Variants in BEST3 observed in about 807,000 individuals in gnomAD.
BEST3 encodes bestrophin 3, also known as bestrophin-3.
BEST3 carries 50 observed loss-of-function variants against 47.1 expected under a neutral mutation model. That is an observed-to-expected ratio of 1.06 (90% CI 0.85 to 1.34). The LOEUF is 1.34. BEST3 is among the 40% of genes most tolerant of loss of function. The pLI is 0.00. For missense variants in BEST3, 765 were observed against 817.0 expected (o/e 0.94, Z 0.78); for synonymous variants, 282 against 298.8 (o/e 0.94, Z 0.58).
At chr12:69,646,669 C>T (rs930073608) in intron 9 of BEST3, among the ~76,000 whole-genome samples, 5 of 152,190 alleles carry the variant, frequency 3.3e-5, no homozygotes, top group Non-Finnish European at 7.3e-5. Context: ...GGCACATAGC[C>T]TCTGCATCAG....
At chr12:69,686,889 G>A (rs1444064631) in intron 4 of BEST3, among the ~76,000 whole-genome samples, 2 of 152,116 alleles carry the variant, frequency 1.3e-5, no homozygotes. Flanking sequence ...CCTGCAGAAG[G>A]TCGCAAAACT....
At chr12:69,670,316 A>G in intron 9 of BEST3, 1 of 630,274 alleles carries the variant, frequency 1.6e-6, no homozygotes, top group Non-Finnish European at 2.9e-6. Flanking sequence ...TTAGAAGGCT[A>G]GCTAGAAGCA....
At chr12:69,681,338 C>G (rs187190198) in intron 4 of BEST3, among the ~76,000 whole-genome samples, 31 of 152,184 alleles carry the variant, frequency 2.0e-4, no homozygotes, top group Non-Finnish European at 4.3e-4. Context: ...ATCCTTTTGC[C>G]GGGTGCAGTG....
exon 10 of BEST3, chr12:69,643,682 G>A (rs1341559539): frequency 1.5e-6 from 1 of 681,004 alleles, no homozygotes; most frequent in Non-Finnish European, 2.7e-6. Context: ...AGATTCGAGT[G>A]TTGTACCTTT....
At chr12:69,695,584 C>T (rs926520053) in intron 2 of BEST3, among the ~76,000 whole-genome samples, 5 of 152,088 alleles carry the variant, frequency 3.3e-5, no homozygotes, top group Admixed American at 3.3e-4. Flanking sequence ...ACAATTACAG[C>T]CAGAATGGTT....
At chr12:69,664,800 A>G (rs980957822) in intron 9 of BEST3, among the ~76,000 whole-genome samples, 1 of 151,768 alleles carries the variant, frequency 6.6e-6, no homozygotes, top group African/African-American at 2.4e-5. Flanking sequence ...TTCCAAAAAA[A>G]TCCCATTCCA....
chr12:69,681,669 A>G (rs970669571), intron 4 of BEST3, among the ~76,000 whole-genome samples: 7 of 152,150 alleles, frequency 4.6e-5, no homozygotes, highest in African/African-American at 9.7e-5. Flanking sequence ...ATCACCTGTG[A>G]TATCTATTAA....
chr12:69,672,236 A>C (rs1884622857), intron 8 of BEST3, among the ~76,000 whole-genome samples: 1 of 152,220 alleles, frequency 6.6e-6, no homozygotes. Flanking sequence ...GTTTGAACTT[A>C]CTTAACTGCC....
chr12:69,648,509 G>A (rs141494521), intron 9 of BEST3, among the ~76,000 whole-genome samples: 1 of 152,306 alleles, frequency 6.6e-6, no homozygotes, highest in Non-Finnish European at 1.5e-5. Flanking sequence ...CGGGATTGTG[G>A]ATGAAGAAAA....
intron 9 of BEST3, among the ~76,000 whole-genome samples, chr12:69,665,427 T>C (rs1242111312): frequency 6.6e-6 from 1 of 152,124 alleles, no homozygotes; most frequent in East Asian, 1.9e-4. Context: ...ACCCCGTCTC[T>C]ACTAAAAATA....
At chr12:69,686,129 C>T (rs889158910) in intron 4 of BEST3, among the ~76,000 whole-genome samples, 6 of 145,552 alleles carry the variant, frequency 4.1e-5, no homozygotes, top group Admixed American at 7.1e-5. Context: ...ACTCTTGTAA[C>T]ACAAGGCAGT....
rs1592352357 is a variant in BEST3, at chr12:69,677,158, T to C, written c.714+22A>G. The C allele has an allele frequency of 9.3e-6, 15 of 1,613,364 alleles. No homozygotes were observed. The East Asian group carries it at 3.3e-4, about 36-fold the overall frequency. On this transcript the variant is annotated intron_variant, in intron 6 of 9. Coordinates refer to ENST00000330891, the MANE Select transcript of BEST3 (RefSeq NM_032735.3). ...AAGGTAGGCAAGTAGAAATAAAGAATTCCATGAAAAGTATTTCTTACCTGG... is the reference window on the plus strand; with the variant it reads ...AAGGTAGGCAAGTAGAAATAAAGAACTCCATGAAAAGTATTTCTTACCTGG...
Position 69,655,166 on chromosome 12 carries a change from C to T in BEST3, c.1748G>A (p.Gly583Asp). 1 of 1,614,138 alleles carries T rather than the reference C, an allele frequency of 6.2e-7. No individual in the cohort carries two copies. Among genetic ancestry groups the T allele is most frequent in the Non-Finnish European group, 8.5e-7 (1 of 1,180,016 alleles). The change falls in exon 10 of 10, where the codon GGT becomes GAT. Residue 583 changes from glycine to aspartate, a missense_variant. Coordinates refer to ENST00000330891, the MANE Select transcript of BEST3 (RefSeq NM_032735.3). ...ENIFNCEEDP[G>D]DTFLKRWSLP... ...ACTCCACCTTTTTAGAAAGGTATCACCAGGGTCTTCTTCACAGTTGAATAT... is the reference window on the plus strand; with the variant it reads ...ACTCCACCTTTTTAGAAAGGTATCATCAGGGTCTTCTTCACAGTTGAATAT...
intron 9 of BEST3, among the ~76,000 whole-genome samples, chr12:69,670,878 ATATACT>A (rs1301988196): frequency 2.6e-5 from 4 of 152,254 alleles, no homozygotes; most frequent in South Asian, 2.1e-4. Flanking sequence ...CCTTCAGCAA[ATATACT>A]TAAACTTCTC....
At position 69,685,297 on chromosome 12, in the gene BEST3, C is replaced by T. The variant is rs1198789061; in HGVS notation, c.482-6404G>A. The stretch of plus-strand genomic sequence containing the variant: ...ATTCACTGCCTTCTCCATAATCACA[C>T]ACAAGAAATAACATACAAAGAAATC... On this transcript the variant is annotated intron_variant, in intron 4 of 9. Coordinates refer to ENST00000330891, the MANE Select transcript of BEST3 (RefSeq NM_032735.3). Among the ~76,000 whole-genome samples, 3 of 152,310 alleles carry T rather than the reference C, an allele frequency of 2.0e-5. No homozygotes were observed. In the East Asian group the frequency reaches 5.8e-4, roughly 29 times the overall value.
At chr12:69,670,498 T>C (rs1884496425) in intron 9 of BEST3, 1 of 702,754 alleles carries the variant, frequency 1.4e-6, no homozygotes, top group African/African-American at 1.7e-5. Context: ...AGAGGCCCCT[T>C]TGGAAGAGAA....
At chr12:69,668,120 G>T (rs710728) in intron 9 of BEST3, among the ~76,000 whole-genome samples, 59,139 of 151,896 alleles carry the variant, frequency 0.39, 11,948 homozygotes, top group Admixed American at 0.51. Flanking sequence ...TGGCTGGGAG[G>T]CAGGTCTTCT....
rs150350296 is a variant in BEST3, at chr12:69,695,476, C to A, written c.153-1012G>T. On this transcript the variant is annotated intron_variant, in intron 2 of 9. Coordinates refer to ENST00000330891, the MANE Select transcript of BEST3 (RefSeq NM_032735.3). Reference sequence around the variant, plus strand: ...GTACAGGGTGAGCTTGGAGTTCCTGCCCCAGCTTTGGAAGAGGTGTTAGAA... The same window carrying A: ...GTACAGGGTGAGCTTGGAGTTCCTGACCCAGCTTTGGAAGAGGTGTTAGAA... Among the ~76,000 whole-genome samples, 10 of 152,196 alleles carry A rather than the reference C, an allele frequency of 6.6e-5. No individual in the cohort carries two copies. The East Asian group carries it at 1.7e-3, about 26-fold the overall frequency.
At chr12:69,648,469 TAAAC>T (rs1883107597) in intron 9 of BEST3, among the ~76,000 whole-genome samples, 3 of 152,198 alleles carry the variant, frequency 2.0e-5, no homozygotes, top group Admixed American at 6.5e-5. Flanking sequence ...GGCTTCATGT[TAAAC>T]AAACTGAAAT....
Sources: allele counts gnomAD v4.1 joint callset (sites outside exome capture counted in the v4.1 genomes callset), GRCh38; gene constraint gnomAD v4.1.1; transcripts MANE v1.5; gene names NCBI Gene and HGNC (gene_info 2026-07-23, HGNC 2026-07-21).